Variants in ZNF860 observed in about 807,000 individuals in gnomAD.
The protein encoded by ZNF860 is zinc finger protein 860.
For synonymous variants in ZNF860, 206 were observed against 248.9 expected (o/e 0.83, Z 1.62); for missense variants, 641 against 759.2 (o/e 0.84, Z 1.83).
chr3:32,003,162 G>A, the ZNF860 span, among the ~76,000 whole-genome samples: 2 of 152,298 alleles, frequency 1.3e-5, no homozygotes, highest in East Asian at 3.9e-4. Flanking sequence ...GCAAATCAAC[G>A]GAATGTCTAG....
the ZNF860 span, among the ~76,000 whole-genome samples, chr3:31,997,518 C>T: frequency 6.6e-6 from 1 of 151,944 alleles, no homozygotes; most frequent in South Asian, 2.1e-4. Context: ...CCGCTTCAGC[C>T]TCCCAAAATG....
Position 31,989,067 on chromosome 3 carries a change from T to C in ZNF860, c.-13T>C. The stretch of plus-strand genomic sequence containing the variant: ...GAAGGTCACACTGCAGCACTATTGA[T>C]TTCTAAAGACTCATGTTACGTGAGG... On this transcript the variant is annotated 5_prime_UTR_variant, in exon 2 of 2. Coordinates refer to ENST00000360311, the MANE Select transcript of ZNF860 (RefSeq NM_001137674.3). 6.2e-7 allele frequency: 1 copy of C among 1,613,932 alleles called. No homozygotes were observed. The highest frequency in any genetic ancestry group is 8.5e-7 in the Non-Finnish European group (1 of 1,179,952).
At chr3:31,983,764 G>A (rs545635918) in intron 1 of ZNF860, among the ~76,000 whole-genome samples, 2 of 152,278 alleles carry the variant, frequency 1.3e-5, no homozygotes, top group South Asian at 4.1e-4. Flanking sequence ...ATAGGGAAAA[G>A]GTACCTGCAG....
rs150116850 is a variant in ZNF860 at position 31,986,033 on chromosome 3, A to G, written c.-420-2627A>G. Among the ~76,000 whole-genome samples the G allele has an allele frequency of 6.7e-3, 1,021 of 152,264 alleles. 16 individuals are homozygous for G. Among genetic ancestry groups the G allele is most frequent in the African/African-American group, 0.023 (952 of 41,546 alleles). ...ACCGTATTATACCACTTGCTTTGCA[A>G]TGAATCCAGTTTCATTTCCTCTACT... On this transcript the variant is annotated intron_variant, in intron 1 of 1. Transcript: ENST00000360311.
chr3:31,991,246 G>C lies in ZNF860; in HGVS notation c.*268G>C. ...AGATCACTTGAGGTCAGGAGTTTGAGACCATCCTGGCCAAAAGACGTGAGC... is the reference window on the plus strand; with the variant it reads ...AGATCACTTGAGGTCAGGAGTTTGACACCATCCTGGCCAAAAGACGTGAGC... On this transcript the variant is annotated 3_prime_UTR_variant, in exon 2 of 2. Transcript: ENST00000360311. 2.5e-6 allele frequency: 1 copy of C among 395,214 alleles called. No individual in the cohort carries two copies. Among genetic ancestry groups the C allele is most frequent in the Non-Finnish European group, 4.7e-6 (1 of 214,268 alleles). The allele number at this position is 395,214 out of a possible 1,614,324, so 24.5% of individuals were successfully genotyped here.
In ZNF860 at chr3:31,990,075, T is replaced by C; in HGVS notation, c.996T>C (p.His332=). Residue 332 remains histidine (H), a synonymous_variant, in exon 2 of 2, where the codon CAT becomes CAC. Transcript: ENST00000360311. ...GTCGCAAATCAAATCTTGAAAGACA[T>C]AGGAGAATTCATACTGGAGAGAAAC... is the stretch of plus-strand genomic sequence containing the variant. ...VFSRKSNLER[H]RRIHTGEKPY... 6.2e-7 allele frequency: 1 copy of C among 1,613,978 alleles called. No homozygotes were observed. Among genetic ancestry groups the C allele is most frequent in the Non-Finnish European group, 8.5e-7 (1 of 1,179,902 alleles).
At position 31,988,919 on chromosome 3, in the gene ZNF860, C is replaced by T; in HGVS notation, c.-161C>T. The T allele has an allele frequency of 1.0e-6, 1 of 963,364 alleles. No homozygotes were observed. Among genetic ancestry groups the T allele is most frequent in the African/African-American group, 1.7e-5 (1 of 60,584 alleles). 59.7% of individuals were successfully genotyped at this position (963,364 alleles called of 1,614,324 possible). On this transcript the variant is annotated 5_prime_UTR_variant, in exon 2 of 2. Transcript: ENST00000360311. ...CAGGAACACCCAGCTGAAGTGCCTC[C>T]AAACCCCGACCCACAGCGACTGTGA...
At chr3:32,002,943 G>A in the ZNF860 span, among the ~76,000 whole-genome samples, 226 of 152,306 alleles carry the variant, frequency 1.5e-3, 2 homozygotes, top group Non-Finnish European at 1.0e-3. Context: ...CAACACAGTG[G>A]GAGAAGCAAC....
chr3:31,982,108 A>T (rs1698862378), intron 1 of ZNF860, among the ~76,000 whole-genome samples: 1 of 152,166 alleles, frequency 6.6e-6, no homozygotes, highest in Non-Finnish European at 1.5e-5. Flanking sequence ...ATCCATTGCT[A>T]CCACACTGCA....
In ZNF860 at chr3:31,990,486, T is replaced by C. The variant is rs2125521384; in HGVS notation, c.1407T>C (p.Leu469=). The C allele has an allele frequency of 6.4e-7, 1 of 1,553,166 alleles. No individual in the cohort carries two copies. Among genetic ancestry groups the C allele is most frequent in the South Asian group, 1.2e-5 (1 of 80,922 alleles). ...CGKTFHHNSA[L]VIHKAIHTGE... ...AGACCTTCCATCACAATTCAGCCCT[T>C]GTAATTCATAAGGCAATTCATACTG... is the stretch of plus-strand genomic sequence containing the variant. Residue 469 remains leucine (L), a synonymous_variant, in exon 2 of 2, where the codon CTT becomes CTC. Transcript: ENST00000360311.
rs371606270 is a variant in ZNF860, at chr3:31,990,356, A to G, written c.1277A>G (p.Tyr426Cys). The change falls in exon 2 of 2, where the codon TAC (tyrosine) becomes TGC (cysteine). Residue 426 changes from tyrosine to cysteine, a missense_variant. Coordinates refer to ENST00000360311, the MANE Select transcript of ZNF860 (RefSeq NM_001137674.3). ...HWRIHNEERS[Y>C]KCNKCGKFFR... ...AGAATCCATAATGAAGAGAGATCTT[A>G]CAAGTGTAATAAATGTGGCAAATTT... 1 of 1,614,138 alleles carries G rather than the reference A, an allele frequency of 6.2e-7. No homozygotes were observed. The highest frequency in any genetic ancestry group is 8.5e-7 in the Non-Finnish European group (1 of 1,179,982).
At chr3:31,986,597 AG>A (rs1698936664) in intron 1 of ZNF860, among the ~76,000 whole-genome samples, 1 of 152,258 alleles carries the variant, frequency 6.6e-6, no homozygotes, top group African/African-American at 2.4e-5. Flanking sequence ...TACAAAAAAA[AG>A]TTTATATTTT....
the ZNF860 span, among the ~76,000 whole-genome samples, chr3:32,004,906 A>AT: frequency 2.0e-5 from 3 of 152,204 alleles, no homozygotes; most frequent in South Asian, 6.2e-4. Flanking sequence ...AGCCTGTTTT[A>AT]TTTTTTGCAA....
chr3:31,989,390 A>T lies in ZNF860; in HGVS notation c.311A>T (p.Lys104Ile), dbSNP rs915204013. 2 of 1,614,222 alleles carry T rather than the reference A, an allele frequency of 1.2e-6. No individual in the cohort carries two copies. Among genetic ancestry groups the T allele is most frequent in the Non-Finnish European group, 1.7e-6 (2 of 1,180,024 alleles). ...CACATTGGAGATTTTTGCTTCCAGA[A>T]AATTGGGAAAGATATTCATGACTTT... ...SHHIGDFCFQ[K>I]IGKDIHDFEF... Residue 104 changes from lysine to isoleucine, a missense_variant, in exon 2 of 2, where the codon AAA becomes ATA. Coordinates refer to ENST00000360311, the MANE Select transcript of ZNF860 (RefSeq NM_001137674.3).
At chr3:31,982,575 C>G (rs556074688) in intron 1 of ZNF860, among the ~76,000 whole-genome samples, 2 of 151,928 alleles carry the variant, frequency 1.3e-5, no homozygotes, top group African/African-American at 4.8e-5. Context: ...TAGAGATGCA[C>G]GGAGAAGCTT....
chr3:31,992,073 G>A (rs1451595860), downstream of ZNF860, among the ~76,000 whole-genome samples: 1 of 150,808 alleles, frequency 6.6e-6, no homozygotes, highest in Admixed American at 6.6e-5. Flanking sequence ...TTGAACCTGG[G>A]AGGCAGAGGT....
At chr3:32,003,146 T>C in the ZNF860 span, among the ~76,000 whole-genome samples, 1 of 152,320 alleles carries the variant, frequency 6.6e-6, no homozygotes, top group South Asian at 2.1e-4. Context: ...ACAAGTGTCA[T>C]TGAAGGCAAA....
the ZNF860 span, among the ~76,000 whole-genome samples, chr3:31,997,119 T>C: frequency 8.5e-5 from 13 of 152,220 alleles, no homozygotes; most frequent in Non-Finnish European, 1.6e-4. Context: ...GCACACATTA[T>C]GCAGTAAATT....
At chr3:32,005,231 C>G in the ZNF860 span, among the ~76,000 whole-genome samples, 2 of 151,976 alleles carry the variant, frequency 1.3e-5, no homozygotes, top group African/African-American at 4.8e-5. Flanking sequence ...TCCCCTTGCC[C>G]CCTATCCCCA....
Sources: allele counts gnomAD v4.1 joint callset (sites outside exome capture counted in the v4.1 genomes callset), GRCh38; gene constraint gnomAD v4.1.1; transcripts MANE v1.5; gene names NCBI Gene and HGNC (gene_info 2026-07-23, HGNC 2026-07-21).